Variants in BNC2 observed in about 807,000 individuals in gnomAD.
BNC2 encodes basonuclin zinc finger protein 2, also known as zinc finger protein basonuclin-2.
A neutral mutation model predicts 76.3 loss-of-function variants in BNC2; 20 were observed. The ratio of observed to expected loss-of-function variants is 0.26; its 90% CI spans 0.18 to 0.38. BNC2 has a LOEUF of 0.38. Ranked by LOEUF, BNC2 falls within the 10% of genes least tolerant of loss-of-function variation. BNC2 has a pLI of 1.00. For synonymous variants in BNC2, 582 were observed against 514.8 expected, an observed-to-expected ratio of 1.13 and a Z score of -1.77; for missense variants, 1,382 against 1,399.8, an observed-to-expected ratio of 0.99 and a Z score of 0.20.
chr9:16,835,176 A>T (rs577241999), intron 1 of BNC2, among the ~76,000 whole-genome samples: 1 of 152,372 alleles, frequency 6.6e-6, no homozygotes, highest in African/African-American at 2.4e-5. Context: ...CAGCAACTTC[A>T]TATAATAGCA....
intron 5 of BNC2, among the ~76,000 whole-genome samples, chr9:16,525,139 CATTGATAACTAGAT>C (rs1817758379): frequency 1.7e-5 from 2 of 116,012 alleles, no homozygotes; most frequent in Admixed American, 8.5e-5. Flanking sequence ...TAGTAGATAA[CATTGATAACTAGAT>C]AACATTAACT....
chr9:16,744,867 A>T (rs1563923918), intron 1 of BNC2, among the ~76,000 whole-genome samples: 1 of 152,348 alleles, frequency 6.6e-6, no homozygotes, highest in African/African-American at 2.4e-5. Flanking sequence ...CCACATATGC[A>T]AACATATGTA....
At chr9:16,510,292 T>A (rs1822722893) in intron 5 of BNC2, among the ~76,000 whole-genome samples, 1 of 152,202 alleles carries the variant, frequency 6.6e-6, no homozygotes, top group Non-Finnish European at 1.5e-5. Context: ...TGCATCCTGG[T>A]TTCCTTTCTG....
rs1038305107 is a variant in BNC2 at position 16,727,373 on chromosome 9, G to A, written c.330+424C>T. On this transcript the variant is annotated intron_variant, in intron 3 of 6. Coordinates refer to ENST00000380672, the MANE Select transcript of BNC2 (RefSeq NM_017637.6). ...CAGTAGGGCTGTTCTGAGGGGCCCCGAGATTTGATGACTGTTTTTTAGGTT... is the reference window on the plus strand; with the variant it reads ...CAGTAGGGCTGTTCTGAGGGGCCCCAAGATTTGATGACTGTTTTTTAGGTT... The A allele has an allele frequency of 1.3e-4, 25 of 190,588 alleles. 1 individual carries two copies. The highest frequency in any genetic ancestry group is 1.4e-4 in the East Asian group (1 of 7,018). The allele number at this position is 190,588 out of a possible 1,614,324, so 11.8% of individuals were successfully genotyped here. A position where few individuals can be genotyped will look rare whatever the true frequency, so the allele number is the denominator to read the frequency against.
chr9:16,657,404 A>G (rs1821961150), intron 3 of BNC2, among the ~76,000 whole-genome samples: 1 of 152,162 alleles, frequency 6.6e-6, no homozygotes, highest in South Asian at 2.1e-4. Context: ...AAAAACAGAA[A>G]CGCTTCTACA....
chr9:16,431,713 T>C (rs778162648), intron 6 of BNC2, among the ~76,000 whole-genome samples: 2 of 152,212 alleles, frequency 1.3e-5, no homozygotes, highest in Non-Finnish European at 2.9e-5. Flanking sequence ...CAGGGACCAC[T>C]TTCATGGAAG....
chr9:16,656,021 C>T (rs1219316426), intron 3 of BNC2, among the ~76,000 whole-genome samples: 2 of 152,166 alleles, frequency 1.3e-5, no homozygotes, highest in Non-Finnish European at 2.9e-5. Context: ...GGAGGTTTGT[C>T]ACCCAGGAAA....
At chr9:16,615,047 C>T (rs1441090523) in intron 3 of BNC2, among the ~76,000 whole-genome samples, 1 of 147,618 alleles carries the variant, frequency 6.8e-6, no homozygotes. Context: ...GAACAGTCTG[C>T]AGACACACCA....
At chr9:16,483,486 G>T (rs1006892482) in intron 5 of BNC2, among the ~76,000 whole-genome samples, 3 of 152,190 alleles carry the variant, frequency 2.0e-5, no homozygotes, top group South Asian at 4.1e-4. Context: ...CAAAATTTTG[G>T]TAAAACTTAT....
chr9:16,860,497 AGTTGTACC>A (rs1233508624), intron 1 of BNC2, among the ~76,000 whole-genome samples: 1 of 152,240 alleles, frequency 6.6e-6, no homozygotes, highest in African/African-American at 2.4e-5. Context: ...AAAAGAATAA[AGTTGTACC>A]CCTACCTCAT....
intron 3 of BNC2, among the ~76,000 whole-genome samples, chr9:16,588,932 A>G (rs545759299): frequency 6.6e-6 from 1 of 152,334 alleles, no homozygotes; most frequent in Admixed American, 6.5e-5. Flanking sequence ...TAAAACTCCT[A>G]TTAGCAGTTG....
At chr9:16,481,482 G>T (rs1229789312) in intron 5 of BNC2, among the ~76,000 whole-genome samples, 2 of 152,078 alleles carry the variant, frequency 1.3e-5, no homozygotes, top group African/African-American at 4.8e-5. Context: ...CCCACTAGAA[G>T]GAAGAAACTC....
chr9:16,549,754 T>C (rs1389703618), intron 5 of BNC2, among the ~76,000 whole-genome samples: 2 of 152,160 alleles, frequency 1.3e-5, no homozygotes, highest in Non-Finnish European at 2.9e-5. Context: ...TCTGGGACCA[T>C]TTGCTTTTTT....
intron 3 of BNC2, among the ~76,000 whole-genome samples, chr9:16,633,646 C>T (rs1821232296): frequency 6.6e-6 from 1 of 152,158 alleles, no homozygotes; most frequent in Non-Finnish European, 1.5e-5. Flanking sequence ...TATTTTCCAT[C>T]TTCATCGTGT....
At chr9:16,682,741 T>C (rs571860551) in intron 3 of BNC2, among the ~76,000 whole-genome samples, 1 of 152,310 alleles carries the variant, frequency 6.6e-6, no homozygotes, top group East Asian at 1.9e-4. Context: ...CTCTAATTTT[T>C]TAAGCACTTC....
intron 5 of BNC2, among the ~76,000 whole-genome samples, chr9:16,516,030 G>C (rs1221621448): frequency 6.6e-6 from 1 of 151,770 alleles, no homozygotes; most frequent in Non-Finnish European, 1.5e-5. Flanking sequence ...TTAAGTAAGA[G>C]ACTGTAGCTG....
At chr9:16,777,589 T>C (rs1826003741) in intron 1 of BNC2, among the ~76,000 whole-genome samples, 1 of 151,262 alleles carries the variant, frequency 6.6e-6, no homozygotes, top group Non-Finnish European at 1.5e-5. Context: ...TAGTCCCAGC[T>C]ACTCGGGAGG....
intron 5 of BNC2, among the ~76,000 whole-genome samples, chr9:16,538,910 T>TA (rs1460853479): frequency 2.6e-5 from 4 of 152,212 alleles, no homozygotes; most frequent in African/African-American, 9.6e-5. Context: ...AGATCATACT[T>TA]ACGTTTTCAT....
chr9:16,650,149 G>A (rs537094729), intron 3 of BNC2, among the ~76,000 whole-genome samples: 47 of 152,246 alleles, frequency 3.1e-4, no homozygotes, highest in Non-Finnish European at 6.0e-4. Context: ...GAATATTAAA[G>A]GCATAATGTC....
Sources: allele counts gnomAD v4.1 joint callset (sites outside exome capture counted in the v4.1 genomes callset), GRCh38; gene constraint gnomAD v4.1.1; transcripts MANE v1.5; gene names NCBI Gene and HGNC (gene_info 2026-07-23, HGNC 2026-07-21).